IQCM: variants seen among roughly 807,000 people sequenced by gnomAD.
IQCM encodes the protein IQ domain-containing protein M.
In IQCM, 45 loss-of-function variants were observed where a neutral mutation model predicts 57.6. That is an observed-to-expected ratio of 0.78 (90% confidence interval 0.62 to 1.00). The LOEUF is 1.00. Ranked by LOEUF, IQCM falls within the 50% of genes least tolerant of loss-of-function variation. IQCM has a pLI of 0.00. For missense variants in IQCM, 468 were observed against 511.6 expected (o/e 0.91, Z 0.82); for synonymous variants, 148 against 158.9 (o/e 0.93, Z 0.51).
chr4:149,636,242 A>C (rs1757709422), intron 7 of IQCM, among the ~76,000 whole-genome samples: 1 of 152,250 alleles, frequency 6.6e-6, no homozygotes, highest in Admixed American at 6.5e-5. Context: ...CCAAAGAGGA[A>C]GAGATGGCCA....
At chr4:149,409,185 T>C (rs1733196905) in intron 13 of IQCM, among the ~76,000 whole-genome samples, 1 of 152,186 alleles carries the variant, frequency 6.6e-6, no homozygotes, top group Admixed American at 6.5e-5. Context: ...AGAAAATATT[T>C]ACTGAAGATG....
intron 2 of IQCM, among the ~76,000 whole-genome samples, chr4:149,747,576 A>C (rs770121189): frequency 6.6e-6 from 1 of 152,244 alleles, no homozygotes; most frequent in Non-Finnish European, 1.5e-5. Context: ...TTGAATCTAC[A>C]TATGTGGAAT....
At chr4:149,380,716 ATGTGCAAAGAGAAAGAGTGC>A (rs1178574922) in intron 13 of IQCM, among the ~76,000 whole-genome samples, 2 of 152,154 alleles carry the variant, frequency 1.3e-5, no homozygotes, top group Non-Finnish European at 2.9e-5. Flanking sequence ...AAAAAAGTAA[ATGTGCAAAGAGAAAGAGTGC>A]TAAGACATCC....
chr4:149,426,436 T>G (rs1446573731), intron 13 of IQCM, among the ~76,000 whole-genome samples: 1 of 152,026 alleles, frequency 6.6e-6, no homozygotes, highest in Non-Finnish European at 1.5e-5. Flanking sequence ...TATCTACTGC[T>G]GTGTAACAAA....
At chr4:149,810,302 T>C (rs10005164) in intron 2 of IQCM, among the ~76,000 whole-genome samples, 53,824 of 143,468 alleles carry the variant, frequency 0.38, 12,770 homozygotes, top group African/African-American at 0.66. Flanking sequence ...GCAGAGGTTG[T>C]GGTAAGCCAT....
intron 9 of IQCM, among the ~76,000 whole-genome samples, chr4:149,577,222 C>A (rs998160907): frequency 3.3e-5 from 5 of 151,930 alleles, no homozygotes; most frequent in Non-Finnish European, 5.9e-5. Flanking sequence ...TGTGCAGAAG[C>A]TCTTTAGTTT....
At chr4:149,577,916 T>C (rs1269376591) in intron 9 of IQCM, among the ~76,000 whole-genome samples, 1 of 151,922 alleles carries the variant, frequency 6.6e-6, no homozygotes, top group African/African-American at 2.4e-5. Context: ...TGTTTTGTAA[T>C]TCTCATTGTA....
chr4:149,542,271 A>C (rs987106183), intron 12 of IQCM, among the ~76,000 whole-genome samples: 1 of 152,064 alleles, frequency 6.6e-6, no homozygotes, highest in Non-Finnish European at 1.5e-5. Flanking sequence ...TCTTTTGAAA[A>C]TTTTAGTTTA....
chr4:149,773,207 C>G (rs530658041), intron 2 of IQCM, among the ~76,000 whole-genome samples: 1 of 152,030 alleles, frequency 6.6e-6, no homozygotes, highest in East Asian at 1.9e-4. Flanking sequence ...AAAACATTAG[C>G]GGGGCATGGT....
intron 12 of IQCM, among the ~76,000 whole-genome samples, chr4:149,491,711 T>A (rs1276735858): frequency 6.6e-6 from 1 of 152,148 alleles, no homozygotes; most frequent in African/African-American, 2.4e-5. Flanking sequence ...AATGCTGTAA[T>A]GAACATGGGG....
intron 12 of IQCM, among the ~76,000 whole-genome samples, chr4:149,540,515 G>T (rs777212697): frequency 1.1e-4 from 16 of 151,984 alleles, no homozygotes; most frequent in South Asian, 2.1e-4. Context: ...AATAGAGATT[G>T]ACTGTCGTCC....
At chr4:149,389,439 C>T (rs943803962) in intron 13 of IQCM, among the ~76,000 whole-genome samples, 8 of 151,580 alleles carry the variant, frequency 5.3e-5, no homozygotes, top group African/African-American at 1.7e-4. Flanking sequence ...TTCACAATAG[C>T]AAAGACTTGG....
intron 5 of IQCM, among the ~76,000 whole-genome samples, chr4:149,686,852 A>C (rs912608218): frequency 6.6e-6 from 1 of 151,496 alleles, no homozygotes; most frequent in Non-Finnish European, 1.5e-5. Flanking sequence ...CTGCTATTTT[A>C]AAATAATTTG....
chr4:149,675,765 G>T (rs1318451903), intron 7 of IQCM, among the ~76,000 whole-genome samples: 2 of 151,958 alleles, frequency 1.3e-5, no homozygotes, highest in African/African-American at 4.8e-5. Flanking sequence ...AAAGAATCTT[G>T]CCAGGAGCTG....
At chr4:149,490,408 T>TA (rs1430647884) in intron 12 of IQCM, among the ~76,000 whole-genome samples, 1 of 152,054 alleles carries the variant, frequency 6.6e-6, no homozygotes, top group Non-Finnish European at 1.5e-5. Context: ...ATCTCAAATA[T>TA]AGTTTATTGC....
intron 8 of IQCM, among the ~76,000 whole-genome samples, chr4:149,600,071 T>C (rs1754136895): frequency 1.3e-5 from 2 of 152,208 alleles, no homozygotes; most frequent in South Asian, 4.1e-4. Context: ...AATTCAGTTA[T>C]AAATTGGACA....
chr4:149,454,907 T>A (rs969642160), intron 12 of IQCM, among the ~76,000 whole-genome samples: 1 of 151,946 alleles, frequency 6.6e-6, no homozygotes, highest in Non-Finnish European at 1.5e-5. Context: ...ACAAGGTTTA[T>A]GTTTGCAATG....
At chr4:149,706,050 T>C (rs1358308432) in intron 5 of IQCM, among the ~76,000 whole-genome samples, 2 of 151,964 alleles carry the variant, frequency 1.3e-5, no homozygotes, top group South Asian at 2.1e-4. Context: ...ATTTTCCCAT[T>C]GCTTTCATTG....
At chr4:149,542,399 C>A (rs1446744254) in intron 12 of IQCM, among the ~76,000 whole-genome samples, 2 of 152,052 alleles carry the variant, frequency 1.3e-5, no homozygotes, top group Non-Finnish European at 2.9e-5. Context: ...TTTAATCATC[C>A]ATCTAATTAT....
Sources: allele counts gnomAD v4.1 joint callset (sites outside exome capture counted in the v4.1 genomes callset), GRCh38; gene constraint gnomAD v4.1.1; transcripts MANE v1.5; gene names NCBI Gene and HGNC (gene_info 2026-07-23, HGNC 2026-07-21).